Variants in TRPS1 observed in about 807,000 individuals in gnomAD.
The protein encoded by TRPS1 is transcriptional repressor GATA binding 1, also known as zinc finger transcription factor Trps1.
Under a neutral mutation model 101.2 loss-of-function variants are expected in TRPS1, and 6 were observed. That is an observed-to-expected ratio of 0.06 (90% CI 0.03 to 0.12). The LOEUF (loss-of-function observed/expected upper bound fraction) is 0.12, where lower values mean the gene tolerates loss of function less well. TRPS1 is among the 10% of genes least tolerant of loss of function. The probability of loss-of-function intolerance (pLI) is 1.00; values close to 1 mark genes in which losing one functional copy is unlikely to be tolerated. For missense variants in TRPS1, 1,363 were observed against 1,567.0 expected (o/e 0.87, Z 2.20); for synonymous variants, 578 against 589.8 (o/e 0.98, Z 0.29).
chr8:115,497,011 T>C (rs1381801102), intron 5 of TRPS1, among the ~76,000 whole-genome samples: 1 of 152,178 alleles, frequency 6.6e-6, no homozygotes, highest in Non-Finnish European at 1.5e-5. Flanking sequence ...ATGTCCAAAG[T>C]AAGAGGAAAA....
chr8:115,667,639 A>G (rs879826589), intron 1 of TRPS1, among the ~76,000 whole-genome samples: 11 of 152,218 alleles, frequency 7.2e-5, no homozygotes, highest in Non-Finnish European at 1.6e-4. Context: ...TGGTACGGAC[A>G]GGGCACAGAC....
At chr8:115,448,085 A>T (rs1586283094) in intron 5 of TRPS1, among the ~76,000 whole-genome samples, 1 of 152,302 alleles carries the variant, frequency 6.6e-6, no homozygotes, top group South Asian at 2.1e-4. Flanking sequence ...TCAATATAAT[A>T]AAGTGCAAAT....
chr8:115,611,315 T>A (rs1201290207), intron 3 of TRPS1, among the ~76,000 whole-genome samples: 2 of 152,108 alleles, frequency 1.3e-5, no homozygotes, highest in Non-Finnish European at 2.9e-5. Flanking sequence ...CTAAAGAGCA[T>A]CTTAATGGGA....
At position 115,668,710 on chromosome 8, in the gene TRPS1, AT is replaced by A. The variant is rs1811995600; in HGVS notation, c.-288del. The A allele has an allele frequency of 1.0e-5, 1 of 99,220 alleles. No individual in the cohort carries two copies. 6.1% of individuals were successfully genotyped at this position (99,220 alleles called of 1,614,324 possible). ...CCCCCCCTTTCCCTCCCCCACCCTT[AT>A]TAAAAAAGAGAGAGAGAGAGAGAGA... On this transcript the variant is annotated 5_prime_UTR_variant, in exon 1 of 7. Transcript: ENST00000395715.
chr8:115,602,006 C>T (rs1436729210), intron 4 of TRPS1, among the ~76,000 whole-genome samples: 1 of 152,028 alleles, frequency 6.6e-6, no homozygotes, highest in Non-Finnish European at 1.5e-5. Context: ...TATTTTATTT[C>T]TTGGGGGATT....
chr8:115,589,445 T>C (rs1817635440), intron 4 of TRPS1, among the ~76,000 whole-genome samples: 1 of 152,174 alleles, frequency 6.6e-6, no homozygotes, highest in Admixed American at 6.6e-5. Context: ...TCTCAAGTAT[T>C]TGTTGAGAGT....
Position 115,563,665 on chromosome 8 carries a change from G to C in TRPS1, c.2700+23336C>G, listed in dbSNP as rs779194932. Among the ~76,000 whole-genome samples, 52 of 152,058 alleles carry C rather than the reference G, an allele frequency of 3.4e-4. 1 individual carries two copies. Among genetic ancestry groups the C allele is most frequent in the Non-Finnish European group, 8.8e-5 (6 of 67,998 alleles). Reference sequence around the variant, plus strand: ...CTTTAACAATGTAAATCTTCCATGGGAGCCAACCACGTGATCTTTAACTTG... The same window carrying C: ...CTTTAACAATGTAAATCTTCCATGGCAGCCAACCACGTGATCTTTAACTTG... On this transcript the variant is annotated intron_variant, in intron 5 of 6. Transcript: ENST00000395715.
At chr8:115,641,921 G>C (rs778592339) in intron 1 of TRPS1, among the ~76,000 whole-genome samples, 10 of 152,080 alleles carry the variant, frequency 6.6e-5, no homozygotes, top group Non-Finnish European at 1.0e-4. Context: ...TCCATTTTCA[G>C]TTTTCCTAAT....
At position 115,489,834 on chromosome 8, in the gene TRPS1, C is replaced by G. The variant is rs537350307; in HGVS notation, c.2701-71382G>C. On this transcript the variant is annotated intron_variant, in intron 5 of 6. Coordinates refer to ENST00000395715, the MANE Select transcript of TRPS1 (RefSeq NM_014112.5). ...AAAGAACAGGTAAATAATATCTTAC[C>G]ATTTTTAAACGGTAAAATTGCAATA... 9.5e-3 allele frequency among the ~76,000 whole-genome samples: 1,439 copies of G among 152,014 alleles called. 10 individuals are homozygous for G. Among genetic ancestry groups the G allele is most frequent in the Non-Finnish European group, 0.016 (1,059 of 67,894 alleles).
At chr8:115,430,444 A>AGTGTGT (rs141850172) in intron 5 of TRPS1, among the ~76,000 whole-genome samples, 476 of 149,888 alleles carry the variant, frequency 3.2e-3, no homozygotes, top group Middle Eastern at 0.025. Flanking sequence ...GCCACTTTGG[A>AGTGTGT]GTGTGTGTGT....
At chr8:115,512,955 G>C (rs1045864266) in intron 5 of TRPS1, among the ~76,000 whole-genome samples, 6 of 151,612 alleles carry the variant, frequency 4.0e-5, no homozygotes, top group African/African-American at 1.4e-4. Flanking sequence ...ATAAGGCATG[G>C]GACCTGTTCT....
rs143914390 is a variant in TRPS1 at position 115,601,657 on chromosome 8, G to A, written c.2096+2216C>T. Among the ~76,000 whole-genome samples the A allele has an allele frequency of 2.5e-3, 380 of 152,302 alleles. 1 individual carries two copies. Among genetic ancestry groups the A allele is most frequent in the Non-Finnish European group, 3.9e-3 (265 of 68,016 alleles). Reference sequence around the variant, plus strand: ...TATTTCAATTTTTAGCTAATAAAATGCTGAGAAGTTGACTTAAGGTCAAAA... The same window carrying A: ...TATTTCAATTTTTAGCTAATAAAATACTGAGAAGTTGACTTAAGGTCAAAA... On this transcript the variant is annotated intron_variant, in intron 4 of 6. Coordinates refer to ENST00000395715, the MANE Select transcript of TRPS1 (RefSeq NM_014112.5).
chr8:115,576,134 T>C (rs1254070064), intron 5 of TRPS1, among the ~76,000 whole-genome samples: 1 of 152,124 alleles, frequency 6.6e-6, no homozygotes, highest in Non-Finnish European at 1.5e-5. Flanking sequence ...TGCAGCAAAG[T>C]TGTTTCCAAA....
At chr8:115,480,288 C>A (rs572573882) in intron 5 of TRPS1, among the ~76,000 whole-genome samples, 1 of 152,092 alleles carries the variant, frequency 6.6e-6, no homozygotes, top group South Asian at 2.1e-4. Context: ...AGCAGAGTGT[C>A]CAACATAAAT....
At chr8:115,639,399 C>T (rs2130581920) in intron 1 of TRPS1, among the ~76,000 whole-genome samples, 1 of 152,264 alleles carries the variant, frequency 6.6e-6, no homozygotes, top group South Asian at 2.1e-4. Flanking sequence ...AAAATGCAGG[C>T]AGCCAAACAA....
chr8:115,443,238 C>T (rs1003438974), intron 5 of TRPS1, among the ~76,000 whole-genome samples: 1 of 152,170 alleles, frequency 6.6e-6, no homozygotes, highest in Non-Finnish European at 1.5e-5. Context: ...CCACTGCACT[C>T]CAGCCTGGGT....
chr8:115,666,887 G>A (rs1238707824), intron 1 of TRPS1, among the ~76,000 whole-genome samples: 1 of 151,202 alleles, frequency 6.6e-6, no homozygotes, highest in Admixed American at 6.6e-5. Flanking sequence ...TGTTCACCTG[G>A]TGTGTTTACA....
chr8:115,586,956 T>C lies in TRPS1; in HGVS notation c.2700+45A>G, dbSNP rs761777682. 5.6e-6 allele frequency: 9 copies of C among 1,611,326 alleles called. No individual in the cohort carries two copies. In the African/African-American group the frequency reaches 9.3e-5, roughly 17 times the overall value. On this transcript the variant is annotated intron_variant, in intron 5 of 6. Transcript: ENST00000395715. ...GAGAAAGAATGTGTGTTCCTCCTTT[T>C]GCCCTTCAAAACAAATGAATTATTT... is the stretch of plus-strand genomic sequence containing the variant.
At chr8:115,495,070 A>G (rs146868350) in intron 5 of TRPS1, among the ~76,000 whole-genome samples, 2 of 152,320 alleles carry the variant, frequency 1.3e-5, no homozygotes, top group African/African-American at 4.8e-5. Flanking sequence ...GGGAAGAAGT[A>G]AAGATTTCCA....
Sources: gnomAD v4.1 joint callset for allele counts (sites outside exome capture counted in the v4.1 genomes callset) on GRCh38, gnomAD v4.1.1 for gene constraint, MANE v1.5 for transcripts, NCBI Gene and HGNC (gene_info 2026-07-23, HGNC 2026-07-21) for gene names.